The following RPS6KA2 variants were observed in gnomAD, a reference collection of about 807,000 sequenced individuals.
RPS6KA2 encodes the protein ribosomal protein S6 kinase A2, also known as ribosomal protein S6 kinase alpha-2.
Under a neutral mutation model 91.8 loss-of-function variants are expected in RPS6KA2, and 42 were observed. That is an observed-to-expected ratio of 0.46 (90% confidence interval 0.36 to 0.59). The LOEUF is 0.59. Among genes scored for constraint, RPS6KA2 ranks in the 20% least tolerant of loss-of-function variants. The probability of loss-of-function intolerance (pLI) is 0.00; values close to 1 mark genes in which losing one functional copy is unlikely to be tolerated. For missense variants in RPS6KA2, 798 were observed against 978.5 expected (o/e 0.82, Z 2.46); for synonymous variants, 414 against 393.6 (o/e 1.05, Z -0.61).
rs1779666100 is a variant in RPS6KA2 at position 166,445,960 on chromosome 6, T to C, written c.1332+2764A>G. Among the ~76,000 whole-genome samples, 2 of 152,350 alleles carry C rather than the reference T, an allele frequency of 1.3e-5. No homozygotes were observed. Among genetic ancestry groups the C allele is most frequent in the South Asian group, 4.1e-4 (2 of 4,822 alleles). Reference sequence around the variant, plus strand: ...TTAGAAGTCACCGAACTTTGCTGTTTCTTAGTCCATCAATAGGTGGGGATG... The same window carrying C: ...TTAGAAGTCACCGAACTTTGCTGTTCCTTAGTCCATCAATAGGTGGGGATG... On this transcript the variant is annotated intron_variant, in intron 14 of 20. Coordinates refer to ENST00000265678, the MANE Select transcript of RPS6KA2 (RefSeq NM_021135.6). The surrounding 1 kb of genome is among the most constrained non-coding windows in gnomAD (Gnocchi z 4.5).
upstream of RPS6KA2, chr6:166,627,911 C>T: frequency 6.6e-6 from 1 of 152,356 alleles, no homozygotes; most frequent in East Asian, 1.9e-4. Flanking sequence ...GCCAGCGGGC[C>T]CTGCAGCTCG....
At chr6:166,520,971 T>C (rs554296497) in intron 3 of RPS6KA2, among the ~76,000 whole-genome samples, 1 of 152,270 alleles carries the variant, frequency 6.6e-6, no homozygotes, top group South Asian at 2.1e-4. Context: ...GGGCCACTGG[T>C]GCCTGGGACT....
intron 2 of RPS6KA2, among the ~76,000 whole-genome samples, chr6:166,713,455 T>C (rs1324583178): frequency 6.6e-6 from 1 of 152,212 alleles, no homozygotes; most frequent in Non-Finnish European, 1.5e-5. Flanking sequence ...AGATAGACAG[T>C]GCACAAAAAT....
At chr6:166,861,313 A>C (rs1311686676) in intron 1 of RPS6KA2, among the ~76,000 whole-genome samples, 1 of 152,230 alleles carries the variant, frequency 6.6e-6, no homozygotes, top group Admixed American at 6.5e-5. Flanking sequence ...CAAATGAGCC[A>C]TGTTTAAATG....
At chr6:166,454,755 G>A (rs958208761) in intron 12 of RPS6KA2, among the ~76,000 whole-genome samples, 1 of 152,016 alleles carries the variant, frequency 6.6e-6, no homozygotes, top group Non-Finnish European at 1.5e-5. Flanking sequence ...TGACAGAGAC[G>A]TGGCTTCCTA....
At chr6:166,857,407 A>G (rs567245816) in intron 2 of RPS6KA2, among the ~76,000 whole-genome samples, 1 of 152,270 alleles carries the variant, frequency 6.6e-6, no homozygotes, top group South Asian at 2.1e-4. Flanking sequence ...CTGCGTAACT[A>G]CAATGCCTTG....
In RPS6KA2 at chr6:166,727,347, C is replaced by CAT. The variant is rs1475592407; in HGVS notation, c.123+130852_123+130853insAT. On this transcript the variant is annotated intron_variant, in intron 2 of 21. Coordinates refer to the RPS6KA2 transcript ENST00000503859. The stretch of plus-strand genomic sequence containing the variant: ...ACACACACACACACACACACACACA[C>CAT]ACAGCTGTAATGCAATATATGCTGT... Among the ~76,000 whole-genome samples the CAT allele has an allele frequency of 1.4e-3, 206 of 151,916 alleles. 1 individual carries two copies. Among genetic ancestry groups the CAT allele is most frequent in the African/African-American group, 4.2e-3 (172 of 41,246 alleles).
intron 20 of RPS6KA2, among the ~76,000 whole-genome samples, chr6:166,413,546 T>C (rs1029165133): frequency 1.3e-5 from 2 of 152,138 alleles, no homozygotes; most frequent in Admixed American, 6.5e-5. Context: ...GCTTTGAACT[T>C]GAGTGGAACA....
chr6:166,505,786 C>T (rs1782195313), intron 5 of RPS6KA2, among the ~76,000 whole-genome samples: 1 of 152,234 alleles, frequency 6.6e-6, no homozygotes, highest in African/African-American at 2.4e-5. Context: ...CACGCTTGGC[C>T]AGCGCCTTTC....
intron 14 of RPS6KA2, among the ~76,000 whole-genome samples, chr6:166,442,788 T>C (rs1042337526): frequency 6.6e-6 from 1 of 152,228 alleles, no homozygotes; most frequent in Admixed American, 6.5e-5. Flanking sequence ...TTAGTAGAGA[T>C]GGCCAAGAGC....
chr6:166,466,489 G>C (rs905021081), intron 11 of RPS6KA2, among the ~76,000 whole-genome samples: 1 of 152,272 alleles, frequency 6.6e-6, no homozygotes, highest in South Asian at 2.1e-4. Flanking sequence ...CTGGGGGTTC[G>C]GTGTGAAGAG....
chr6:166,755,888 C>T (rs1325115909), intron 2 of RPS6KA2, among the ~76,000 whole-genome samples: 3 of 152,152 alleles, frequency 2.0e-5, no homozygotes, highest in Non-Finnish European at 4.4e-5. Flanking sequence ...CCTGTCTGTG[C>T]TTGTCACGTG....
At chr6:166,847,380 A>G (rs1417596613) in intron 2 of RPS6KA2, among the ~76,000 whole-genome samples, 1 of 152,200 alleles carries the variant, frequency 6.6e-6, no homozygotes, top group Non-Finnish European at 1.5e-5. Flanking sequence ...AAATACCACC[A>G]TCATTTTTCA....
At position 166,849,584 on chromosome 6, in the gene RPS6KA2, A is replaced by T. The variant is rs114832705; in HGVS notation, c.123+8616T>A. 0.017 allele frequency among the ~76,000 whole-genome samples: 2,556 copies of T among 152,238 alleles called. 82 individuals carry two copies. Among genetic ancestry groups the T allele is most frequent in the African/African-American group, 0.059 (2,435 of 41,522 alleles). On this transcript the variant is annotated intron_variant, in intron 2 of 21. Transcript: ENST00000503859. This position sits in a 1 kb window ranked among gnomAD's most constrained non-coding sequence, Gnocchi z 4.9. Reference sequence around the variant, plus strand: ...ACCCCAGGCCACCCCCGCCCGTGGAAATCCATGAGACCGTTCATCGTTTCA... The same window carrying T: ...ACCCCAGGCCACCCCCGCCCGTGGATATCCATGAGACCGTTCATCGTTTCA...
intron 2 of RPS6KA2, among the ~76,000 whole-genome samples, chr6:166,537,968 G>A (rs550237350): frequency 1.4e-4 from 21 of 152,212 alleles, no homozygotes; most frequent in Non-Finnish European, 4.4e-5. Context: ...TGTGGACGTG[G>A]CATTAAATGA....
At chr6:166,415,723 T>C (rs148697739) in intron 19 of RPS6KA2, among the ~76,000 whole-genome samples, 1 of 152,232 alleles carries the variant, frequency 6.6e-6, no homozygotes, top group East Asian at 1.9e-4. Context: ...CTAAGACATC[T>C]ACACTCATTT....
chr6:166,632,830 C>T (rs1787120848), intron 2 of RPS6KA2, among the ~76,000 whole-genome samples: 1 of 152,108 alleles, frequency 6.6e-6, no homozygotes, highest in South Asian at 2.1e-4. Context: ...CAGGGACAGA[C>T]AGCGCAACTC....
intron 1 of RPS6KA2, among the ~76,000 whole-genome samples, chr6:166,542,726 G>C (rs1333829232): frequency 1.3e-5 from 2 of 152,228 alleles, no homozygotes; most frequent in Non-Finnish European, 2.9e-5. Context: ...CAGGGAGAAA[G>C]ATGAGGGCGG....
At chr6:166,541,269 A>T (rs541645944) in intron 1 of RPS6KA2, among the ~76,000 whole-genome samples, 41 of 152,392 alleles carry the variant, frequency 2.7e-4, no homozygotes, top group African/African-American at 7.9e-4. Flanking sequence ...GGTGTGGGGC[A>T]GGCGAGGCAC....
Sources: gnomAD v4.1 joint callset for allele counts (sites outside exome capture counted in the v4.1 genomes callset) on GRCh38, gnomAD v4.1.1 for gene constraint, Gnocchi (gnomAD v3.1) non-coding constraint, MANE v1.5 for transcripts, NCBI Gene and HGNC (gene_info 2026-07-23, HGNC 2026-07-21) for gene names.